The following MYOM1 variants were observed in gnomAD, a reference collection of about 807,000 sequenced individuals.
MYOM1 encodes myomesin 1.
In MYOM1, 164 loss-of-function variants were observed where a neutral mutation model predicts 205.3. The ratio of observed to expected loss-of-function variants is 0.80; its 90% CI spans 0.70 to 0.91. The LOEUF (loss-of-function observed/expected upper bound fraction) is 0.91. Ranked by LOEUF, MYOM1 falls within the 40% of genes least tolerant of loss-of-function variation. MYOM1 has a pLI of 0.00. For synonymous variants in MYOM1, 772 were observed against 789.4 expected (o/e 0.98, Z 0.37); for missense variants, 2,011 against 2,127.3 (o/e 0.95, Z 1.08).
intron 25 of MYOM1, among the ~76,000 whole-genome samples, chr18:3,094,668 CTT>C (rs111967746): frequency 7.6e-5 from 11 of 143,838 alleles, no homozygotes; most frequent in Non-Finnish European, 3.1e-5. Context: ...TTTTCTTTTT[CTT>C]TTTTTTTTTG....
chr18:3,092,064 A>C (rs1412465244), intron 26 of MYOM1, among the ~76,000 whole-genome samples: 1 of 152,036 alleles, frequency 6.6e-6, no homozygotes, highest in East Asian at 1.9e-4. Context: ...ATAATGTAAA[A>C]CTATAGGCAG....
Position 3,168,896 on chromosome 18 carries a change from C to T in MYOM1, c.1260G>A (p.Glu420=), listed in dbSNP as rs2080511531. 1.2e-6 allele frequency: 2 copies of T among 1,613,828 alleles called. No individual in the cohort carries two copies. The part of the protein sequence containing the change: ...KFDVSFGREG[E]TMSLGCRVVI... ...CAACACGACAGCCTAGACTCATTGT[C>T]TCTCCCTCTCTCCCAAAAGACACAT... Residue 420 remains glutamate (E), a synonymous_variant, in exon 9 of 38, where the codon GAG becomes GAA. Coordinates refer to ENST00000356443, the MANE Select transcript of MYOM1 (RefSeq NM_003803.4).
chr18:3,093,745 A>G (rs2079259314), intron 26 of MYOM1: 2 of 153,496 alleles, frequency 1.3e-5, no homozygotes, highest in Admixed American at 1.3e-4. Context: ...AAGCAATGAA[A>G]GGTATTTTTA....
At chr18:3,101,247 G>A (rs73936916) in intron 23 of MYOM1, among the ~76,000 whole-genome samples, 1,867 of 152,204 alleles carry the variant, frequency 0.012, 35 homozygotes, top group African/African-American at 0.042. Flanking sequence ...GAGACACACT[G>A]GGCTTCATTG....
chr18:3,148,550 T>G (rs2080163135), intron 13 of MYOM1, among the ~76,000 whole-genome samples: 1 of 152,030 alleles, frequency 6.6e-6, no homozygotes, highest in African/African-American at 2.4e-5. Flanking sequence ...TTCATTATTT[T>G]GAAAATGGTG....
At chr18:3,109,336 C>T (rs1364575144) in intron 22 of MYOM1, among the ~76,000 whole-genome samples, 1 of 152,130 alleles carries the variant, frequency 6.6e-6, no homozygotes, top group African/African-American at 2.4e-5. Flanking sequence ...CAGAGCTGAG[C>T]TCCTATCAAT....
the MYOM1 span, among the ~76,000 whole-genome samples, chr18:3,242,432 T>C: frequency 6.6e-6 from 1 of 152,222 alleles, no homozygotes; most frequent in South Asian, 2.1e-4. Flanking sequence ...TCCGCAATGA[T>C]TGTGAAGCCT....
the MYOM1 span, among the ~76,000 whole-genome samples, chr18:3,237,980 A>C: frequency 6.6e-6 from 1 of 152,182 alleles, no homozygotes. Context: ...GGACTGGGGC[A>C]GGGGTGGCGG....
chr18:3,239,905 G>A, the MYOM1 span, among the ~76,000 whole-genome samples: 1 of 151,988 alleles, frequency 6.6e-6, no homozygotes, highest in Non-Finnish European at 1.5e-5. Flanking sequence ...CACTCAAGTG[G>A]ACAAAGAATT....
chr18:3,240,480 CTT>C, the MYOM1 span, among the ~76,000 whole-genome samples: 16 of 152,208 alleles, frequency 1.1e-4, no homozygotes, highest in Non-Finnish European at 1.9e-4. Context: ...TTTTTCTTCT[CTT>C]GTCTGCCACC....
At chr18:3,115,010 C>T (rs2079585632) in intron 21 of MYOM1, among the ~76,000 whole-genome samples, 1 of 151,738 alleles carries the variant, frequency 6.6e-6, no homozygotes, top group African/African-American at 2.4e-5. Flanking sequence ...CTAGTCAGTT[C>T]AAACCTCAGG....
chr18:3,247,235 C>A, the MYOM1 span: 1 of 152,318 alleles, frequency 6.6e-6, no homozygotes, highest in South Asian at 2.1e-4. Flanking sequence ...CGTTTCCTCC[C>A]GTATGGAGGG....
intron 22 of MYOM1, among the ~76,000 whole-genome samples, chr18:3,103,828 C>T (rs1302778259): frequency 6.6e-6 from 1 of 152,152 alleles, no homozygotes; most frequent in Non-Finnish European, 1.5e-5. Flanking sequence ...GATCTTGGTT[C>T]CTGAGCCTGA....
intron 30 of MYOM1, 94 bp from the exon 31 acceptor site, chr18:3,085,226 CTGCTTTTTTTTTTTTTTTTTTTTTT>C: frequency 9.9e-6 from 2 of 202,996 alleles, no homozygotes; most frequent in South Asian, 6.0e-5. Flanking sequence ...TCTGCTGCTG[CTGCTTTTTTTTTTTTTTTTTTTTTT>C]TTTTTTTTTT....
chr18:3,134,532 C>T, intron 16 of MYOM1, 118 bp downstream of exon 16: 1 of 1,131,812 alleles, frequency 8.8e-7, no homozygotes, highest in Non-Finnish European at 1.2e-6. Context: ...TAAGCCACCA[C>T]ATCCAGCCAA....
At chr18:3,244,384 C>T in the MYOM1 span, among the ~76,000 whole-genome samples, 1 of 152,090 alleles carries the variant, frequency 6.6e-6, no homozygotes, top group African/African-American at 2.4e-5. Flanking sequence ...ATGTTGAAGG[C>T]CTAACCCCCA....
At chr18:3,117,932 G>T (rs2079629309) in intron 20 of MYOM1, among the ~76,000 whole-genome samples, 1 of 152,020 alleles carries the variant, frequency 6.6e-6, no homozygotes, top group African/African-American at 2.4e-5. Context: ...GTTCTGTTTT[G>T]CAAAGGGCTT....
chr18:3,195,158 T>C (rs534995766), intron 2 of MYOM1, among the ~76,000 whole-genome samples: 1 of 152,194 alleles, frequency 6.6e-6, no homozygotes, highest in East Asian at 1.9e-4. Context: ...TATATGACGA[T>C]GCGAGAAAAC....
At chr18:3,154,633 A>G (rs1286597812) in intron 11 of MYOM1, among the ~76,000 whole-genome samples, 1 of 151,386 alleles carries the variant, frequency 6.6e-6, no homozygotes, top group Admixed American at 6.6e-5. Context: ...ACACACACAC[A>G]CACACACACA....
Sources: allele counts gnomAD v4.1 joint callset (sites outside exome capture counted in the v4.1 genomes callset), GRCh38; gene constraint gnomAD v4.1.1; transcripts MANE v1.5; gene names NCBI Gene and HGNC (gene_info 2026-07-23, HGNC 2026-07-21).